NKAIN2: variants seen among roughly 807,000 people sequenced by gnomAD.
NKAIN2 encodes the protein sodium/potassium-transporting ATPase subunit beta-1-interacting protein 2.
NKAIN2 carries 14 observed loss-of-function variants against 32.6 expected under a neutral mutation model. The ratio of observed to expected loss-of-function variants is 0.43; its 90% CI spans 0.28 to 0.67. The LOEUF is 0.67. NKAIN2 is among the 30% of genes least tolerant of loss of function. NKAIN2 has a pLI of 0.17. For missense variants in NKAIN2, 198 were observed against 258.3 expected (o/e 0.77, Z 1.60); for synonymous variants, 80 against 87.2 (o/e 0.92, Z 0.46).
intron 1 of NKAIN2, among the ~76,000 whole-genome samples, chr6:124,200,398 G>A (rs766235679): frequency 4.6e-5 from 7 of 152,228 alleles, no homozygotes; most frequent in African/African-American, 1.4e-4. Context: ...TAGGCAAGGG[G>A]TCCTTGCTGT....
At chr6:124,127,115 T>TTA (rs1248134569) in intron 1 of NKAIN2, among the ~76,000 whole-genome samples, 1 of 152,162 alleles carries the variant, frequency 6.6e-6, no homozygotes, top group Non-Finnish European at 1.5e-5. Flanking sequence ...GAATTATGTG[T>TTA]TATAGACTTA....
At chr6:124,729,982 C>T (rs1283133618) in intron 4 of NKAIN2, among the ~76,000 whole-genome samples, 6 of 145,212 alleles carry the variant, frequency 4.1e-5, no homozygotes, top group Non-Finnish European at 9.0e-5. Context: ...GAATAAAATA[C>T]CTAGGAATCC....
At chr6:124,274,708 A>G (rs986488080) in intron 1 of NKAIN2, among the ~76,000 whole-genome samples, 4 of 152,142 alleles carry the variant, frequency 2.6e-5, no homozygotes, top group African/African-American at 9.6e-5. Context: ...CATATTATTT[A>G]TTGTAGTGTA....
At chr6:123,818,078 C>T (rs150423903) in intron 1 of NKAIN2, among the ~76,000 whole-genome samples, 2,983 of 152,146 alleles carry the variant, frequency 0.02, 47 homozygotes, top group Non-Finnish European at 0.03. Flanking sequence ...TTTAATTTGT[C>T]TTCTCCCAGA....
chr6:124,644,389 T>A (rs1278706027), intron 3 of NKAIN2, among the ~76,000 whole-genome samples: 1 of 148,330 alleles, frequency 6.7e-6, no homozygotes, highest in Non-Finnish European at 1.5e-5. Context: ...GTAAAAGATT[T>A]TGTTTGTGCT....
At chr6:124,023,090 A>G (rs565011955) in intron 1 of NKAIN2, among the ~76,000 whole-genome samples, 1 of 151,428 alleles carries the variant, frequency 6.6e-6, no homozygotes, top group African/African-American at 2.4e-5. Flanking sequence ...ATGTGTGTGT[A>G]TGTATATAAA....
chr6:124,685,906 G>A (rs973850636), intron 4 of NKAIN2, among the ~76,000 whole-genome samples: 1 of 152,172 alleles, frequency 6.6e-6, no homozygotes, highest in Non-Finnish European at 1.5e-5. Flanking sequence ...CTATGGAAAA[G>A]AATTTCAAGC....
chr6:124,324,902 A>G (rs912794935), intron 2 of NKAIN2, among the ~76,000 whole-genome samples: 1 of 152,068 alleles, frequency 6.6e-6, no homozygotes, highest in Non-Finnish European at 1.5e-5. Flanking sequence ...CTACTTGGTC[A>G]TAGTGTATTT....
At chr6:124,745,249 T>C (rs1416558163) in intron 4 of NKAIN2, among the ~76,000 whole-genome samples, 1 of 152,000 alleles carries the variant, frequency 6.6e-6, no homozygotes, top group East Asian at 1.9e-4. Flanking sequence ...TATTTGAAGT[T>C]AAAGAAGACT....
intron 3 of NKAIN2, among the ~76,000 whole-genome samples, chr6:124,527,580 T>C (rs568923394): frequency 7.2e-5 from 11 of 152,198 alleles, no homozygotes; most frequent in East Asian, 1.9e-4. Flanking sequence ...ATCAAATTAT[T>C]CATTTATGCA....
rs1330786025 is a variant in NKAIN2 at position 124,569,563 on chromosome 6, C to T, written c.274-88623C>T. Among the ~76,000 whole-genome samples the T allele has an allele frequency of 1.3e-4, 20 of 152,118 alleles. No individual in the cohort carries two copies. The Middle Eastern group carries it at 0.017, about 129-fold the overall frequency. ...GTCTTTCCCATGCTATTCCCGTGACCGTGAATAAGGCTCGTGAGATCTGAT... is the reference window on the plus strand; with the variant it reads ...GTCTTTCCCATGCTATTCCCGTGACTGTGAATAAGGCTCGTGAGATCTGAT... On this transcript the variant is annotated intron_variant, in intron 3 of 6. Coordinates refer to ENST00000368417, the MANE Select transcript of NKAIN2 (RefSeq NM_001040214.3).
At chr6:124,112,783 G>T (rs540407331) in intron 1 of NKAIN2, among the ~76,000 whole-genome samples, 1 of 149,830 alleles carries the variant, frequency 6.7e-6, no homozygotes, top group Non-Finnish European at 1.5e-5. Flanking sequence ...TTACTCCTCC[G>T]AGTTATTTCC....
chr6:124,190,996 A>G (rs1203409821), intron 1 of NKAIN2, among the ~76,000 whole-genome samples: 2 of 152,128 alleles, frequency 1.3e-5, no homozygotes, highest in East Asian at 1.9e-4. Flanking sequence ...ATCTACTACA[A>G]TTGATGAGCT....
At chr6:124,600,485 T>A (rs1003160255) in intron 3 of NKAIN2, among the ~76,000 whole-genome samples, 2 of 152,126 alleles carry the variant, frequency 1.3e-5, no homozygotes, top group African/African-American at 4.8e-5. Flanking sequence ...TAAAAATATC[T>A]GTTTTCAGGG....
intron 3 of NKAIN2, among the ~76,000 whole-genome samples, chr6:124,392,808 G>A (rs1249443669): frequency 1.3e-5 from 2 of 152,100 alleles, no homozygotes; most frequent in Admixed American, 1.3e-4. Flanking sequence ...AAGGCTGGAG[G>A]TCTTATCTCA....
chr6:123,953,541 G>A lies in NKAIN2; in HGVS notation c.54+149287G>A, dbSNP rs931862450. Reference sequence around the variant, plus strand: ...TGATGGGCTGGGTGGACCAGTCCTCGGACCTATAGATGGTTTGTGCATATG... The same window carrying A: ...TGATGGGCTGGGTGGACCAGTCCTCAGACCTATAGATGGTTTGTGCATATG... On this transcript the variant is annotated intron_variant, in intron 1 of 6. Transcript: ENST00000368417. Among the ~76,000 whole-genome samples, 8 of 152,196 alleles carry A rather than the reference G, an allele frequency of 5.3e-5. No individual in the cohort carries two copies. The East Asian group carries it at 7.7e-4, about 15-fold the overall frequency.
At chr6:124,684,087 A>G (rs1773751154) in intron 4 of NKAIN2, among the ~76,000 whole-genome samples, 1 of 152,204 alleles carries the variant, frequency 6.6e-6, no homozygotes, top group South Asian at 2.1e-4. Context: ...TTAGTGATAT[A>G]ATATGGAATT....
intron 2 of NKAIN2, among the ~76,000 whole-genome samples, chr6:124,297,104 G>A (rs1422523206): frequency 6.6e-6 from 1 of 152,146 alleles, no homozygotes; most frequent in Non-Finnish European, 1.5e-5. Flanking sequence ...TGACTAGTAT[G>A]TCATAAAATT....
chr6:123,954,426 A>T (rs1262493107), intron 1 of NKAIN2, among the ~76,000 whole-genome samples: 1 of 152,162 alleles, frequency 6.6e-6, no homozygotes, highest in Non-Finnish European at 1.5e-5. Flanking sequence ...TCCTTTCCCC[A>T]CATTGGGGAG....
Sources: allele counts gnomAD v4.1 joint callset (sites outside exome capture counted in the v4.1 genomes callset), GRCh38; gene constraint gnomAD v4.1.1; transcripts MANE v1.5; gene names NCBI Gene and HGNC (gene_info 2026-07-23, HGNC 2026-07-21).